TMEM163: variants seen among roughly 807,000 people sequenced by gnomAD.
TMEM163 encodes the protein transmembrane protein 163.
A neutral mutation model predicts 29.3 loss-of-function variants in TMEM163; 17 were observed. The ratio of observed to expected loss-of-function variants is 0.58; its 90% CI spans 0.40 to 0.87. TMEM163 has a LOEUF of 0.87. TMEM163 is among the 40% of genes least tolerant of loss of function. The probability of loss-of-function intolerance (pLI) is 0.00; values close to 1 mark genes in which losing one functional copy is unlikely to be tolerated. For missense variants in TMEM163, 303 were observed against 381.5 expected (o/e 0.79, Z 1.71); for synonymous variants, 157 against 160.6 (o/e 0.98, Z 0.17).
At chr2:134,486,509 C>G (rs1166382065) in intron 5 of TMEM163, among the ~76,000 whole-genome samples, 1 of 152,054 alleles carries the variant, frequency 6.6e-6, no homozygotes, top group Admixed American at 6.5e-5. Context: ...CAGATGGATT[C>G]GAGATTTTAC....
chr2:134,717,274 G>C (rs1179732613), intron 1 of TMEM163, among the ~76,000 whole-genome samples: 1 of 152,178 alleles, frequency 6.6e-6, no homozygotes, highest in Admixed American at 6.5e-5. Flanking sequence ...TAGCTGGAGA[G>C]GGGCAAAGGT....
intron 2 of TMEM163, among the ~76,000 whole-genome samples, chr2:134,639,487 G>T (rs939554052): frequency 1.3e-5 from 2 of 152,128 alleles, no homozygotes; most frequent in African/African-American, 4.8e-5. Flanking sequence ...GGTAGCTTTT[G>T]CTTTCACTGG....
At chr2:134,551,793 C>T (rs1291266084) in intron 3 of TMEM163, among the ~76,000 whole-genome samples, 1 of 152,156 alleles carries the variant, frequency 6.6e-6, no homozygotes, top group African/African-American at 2.4e-5. Context: ...GCTAAAATGC[C>T]CAAAACATCC....
At chr2:134,665,226 A>C (rs1683848356) in intron 2 of TMEM163, among the ~76,000 whole-genome samples, 1 of 152,170 alleles carries the variant, frequency 6.6e-6, no homozygotes. Context: ...ATTTATAAAG[A>C]AAAAGAGGTT....
At chr2:134,656,682 G>A (rs1683627093) in intron 2 of TMEM163, among the ~76,000 whole-genome samples, 1 of 152,198 alleles carries the variant, frequency 6.6e-6, no homozygotes, top group South Asian at 2.1e-4. Flanking sequence ...AGTTCTCAAG[G>A]GGAATGGTTG....
chr2:134,563,225 T>C (rs1053791994), intron 2 of TMEM163, among the ~76,000 whole-genome samples: 1 of 152,204 alleles, frequency 6.6e-6, no homozygotes, highest in Non-Finnish European at 1.5e-5. Flanking sequence ...GGCAGTCTTC[T>C]CTTATATTCA....
Position 134,458,140 on chromosome 2 carries a change from A to C in TMEM163, c.701T>G (p.Phe234Cys). The change falls in exon 7 of 8, where the codon TTC (phenylalanine) becomes TGC (cysteine). Residue 234 changes from phenylalanine (F) to cysteine (C), a missense_variant. Physicochemically the swap from Phe to Cys is radical, Grantham distance 205. Transcript: ENST00000281924. ...CACTTCCGCGCTCAGAAGAATGGAG[A>C]AGCCCATCACGCCACCCACGAGGGA... ...FNSLVGGVMG[F>C]SILLSAEVFK... The C allele has an allele frequency of 1.2e-6, 2 of 1,614,122 alleles. No homozygotes were observed. The highest frequency in any genetic ancestry group is 1.7e-6 in the Non-Finnish European group (2 of 1,180,030).
At position 134,531,241 on chromosome 2, in the gene TMEM163, A is replaced by G. The variant is rs1680410108; in HGVS notation, c.458+19329T>C. ...GACGAAGGCGAGGTGGTGTGTGGGT[A>G]TGAGAAAACCAAACTCAAGATATTT... On this transcript the variant is annotated intron_variant, in intron 4 of 7. Transcript: ENST00000281924. 2.0e-5 allele frequency among the ~76,000 whole-genome samples: 3 copies of G among 152,246 alleles called. No individual in the cohort carries two copies. The South Asian group carries it at 6.2e-4, about 32-fold the overall frequency.
intron 4 of TMEM163, among the ~76,000 whole-genome samples, chr2:134,504,768 T>G (rs952707682): frequency 6.6e-6 from 1 of 152,222 alleles, no homozygotes; most frequent in African/African-American, 2.4e-5. Context: ...GGTGCTAATG[T>G]GCTGCCTGTG....
chr2:134,694,229 A>T (rs1218110866), intron 2 of TMEM163, among the ~76,000 whole-genome samples: 1 of 152,260 alleles, frequency 6.6e-6, no homozygotes, highest in African/African-American at 2.4e-5. Flanking sequence ...AAGGTAAACC[A>T]TTCAATTAAC....
intron 1 of TMEM163, among the ~76,000 whole-genome samples, chr2:134,716,820 T>A (rs1685047962): frequency 6.6e-6 from 1 of 152,210 alleles, no homozygotes; most frequent in Non-Finnish European, 1.5e-5. Context: ...AAATCACTTA[T>A]TCACCACATA....
At chr2:134,580,798 A>G (rs1286185177) in intron 2 of TMEM163, among the ~76,000 whole-genome samples, 1 of 152,152 alleles carries the variant, frequency 6.6e-6, no homozygotes, top group East Asian at 1.9e-4. Flanking sequence ...CTGTAATCCC[A>G]TGTACTCAGG....
At chr2:134,676,264 G>T (rs1223955345) in intron 2 of TMEM163, among the ~76,000 whole-genome samples, 4 of 152,156 alleles carry the variant, frequency 2.6e-5, no homozygotes, top group African/African-American at 9.7e-5. Context: ...TTGTGAGCCA[G>T]CCCACTCCAG....
intron 4 of TMEM163, among the ~76,000 whole-genome samples, chr2:134,536,639 T>C (rs1456872977): frequency 1.3e-5 from 2 of 152,156 alleles, no homozygotes; most frequent in Non-Finnish European, 2.9e-5. Context: ...GCGAAACCTC[T>C]ATCTCATAGG....
At chr2:134,517,995 T>C (rs1365645223) in intron 4 of TMEM163, among the ~76,000 whole-genome samples, 2 of 152,208 alleles carry the variant, frequency 1.3e-5, no homozygotes, top group African/African-American at 2.4e-5. Context: ...TACTTATTTC[T>C]GCAACTTCTC....
intron 4 of TMEM163, among the ~76,000 whole-genome samples, chr2:134,538,152 G>T (rs1014824981): frequency 6.6e-6 from 1 of 152,206 alleles, no homozygotes; most frequent in Non-Finnish European, 1.5e-5. Context: ...CAGGGCTATG[G>T]TGTTAGGAGC....
chr2:134,483,167 G>A (rs755638874), intron 5 of TMEM163, among the ~76,000 whole-genome samples: 9 of 152,158 alleles, frequency 5.9e-5, no homozygotes, highest in Non-Finnish European at 1.3e-4. Flanking sequence ...AGGAAGCACC[G>A]TCAGTTTGCT....
At chr2:134,711,751 C>T (rs1442096251) in intron 2 of TMEM163, among the ~76,000 whole-genome samples, 2 of 152,208 alleles carry the variant, frequency 1.3e-5, no homozygotes, top group South Asian at 2.1e-4. Flanking sequence ...TATTACTCTC[C>T]TAGAAGAAAG....
At chr2:134,539,377 T>C (rs1680612527) in intron 4 of TMEM163, among the ~76,000 whole-genome samples, 1 of 152,128 alleles carries the variant, frequency 6.6e-6, no homozygotes, top group Admixed American at 6.5e-5. Flanking sequence ...TGCACTGTGG[T>C]GGGGTCCTTC....
Sources: gnomAD v4.1 joint callset for allele counts (sites outside exome capture counted in the v4.1 genomes callset) on GRCh38, gnomAD v4.1.1 for gene constraint, MANE v1.5 for transcripts, NCBI Gene and HGNC (gene_info 2026-07-23, HGNC 2026-07-21) for gene names.